The following CDH13 variants were observed in gnomAD, a reference collection of about 807,000 sequenced individuals.
The protein encoded by CDH13 is cadherin 13.
A neutral mutation model predicts 63.8 loss-of-function variants in CDH13; 24 were observed. The ratio of observed to expected loss-of-function variants is 0.38; its 90% confidence interval spans 0.27 to 0.53. CDH13 has a LOEUF of 0.53. Ranked by LOEUF, CDH13 falls within the 20% of genes least tolerant of loss-of-function variation. The probability of loss-of-function intolerance (pLI) is 0.85; values close to 1 mark genes in which losing one functional copy is unlikely to be tolerated. For missense variants in CDH13, 1,049 were observed against 903.1 expected (o/e 1.16, Z -2.07); for synonymous variants, 503 against 355.3 (o/e 1.42, Z -4.67).
chr16:83,570,173 C>A (rs183226317), intron 7 of CDH13, among the ~76,000 whole-genome samples: 1 of 152,176 alleles, frequency 6.6e-6, no homozygotes, highest in Admixed American at 6.5e-5. Context: ...GGAACCTGAG[C>A]ACACAGGATT....
intron 7 of CDH13, among the ~76,000 whole-genome samples, chr16:83,526,764 C>T (rs1039355086): frequency 6.6e-6 from 1 of 152,302 alleles, no homozygotes; most frequent in Middle Eastern, 3.4e-3. Context: ...TTTACCTTAG[C>T]CCTTTGTCCC....
At chr16:82,916,140 A>G (rs1219371146) in intron 2 of CDH13, among the ~76,000 whole-genome samples, 1 of 152,186 alleles carries the variant, frequency 6.6e-6, no homozygotes, top group African/African-American at 2.4e-5. Flanking sequence ...TCAATTCCAT[A>G]AAGCAAGCGT....
chr16:83,386,823 T>C (rs922554537), intron 6 of CDH13, among the ~76,000 whole-genome samples: 3 of 152,230 alleles, frequency 2.0e-5, no homozygotes, highest in African/African-American at 4.8e-5. Context: ...TGTGATTCTC[T>C]TAGCCTTTTC....
chr16:83,481,916 A>G (rs1259032391), intron 6 of CDH13, among the ~76,000 whole-genome samples: 3 of 152,344 alleles, frequency 2.0e-5, no homozygotes, highest in South Asian at 2.1e-4. Context: ...AGTGGTGGAC[A>G]TGGAGTCCAG....
At chr16:82,731,504 C>T (rs2085950) in intron 1 of CDH13, among the ~76,000 whole-genome samples, 147,012 of 152,300 alleles carry the variant, frequency 0.97, 71,161 homozygotes, top group East Asian at 1. Flanking sequence ...CTTTAAACAT[C>T]TGAAAAGTAT....
intron 4 of CDH13, among the ~76,000 whole-genome samples, chr16:83,210,965 C>T (rs541320268): frequency 1.1e-3 from 161 of 151,650 alleles, no homozygotes; most frequent in African/African-American, 3.7e-3. Context: ...CTGGCTAACA[C>T]AGTGAAACCC....
chr16:82,803,979 C>T (rs749195407), intron 1 of CDH13, among the ~76,000 whole-genome samples: 11 of 152,134 alleles, frequency 7.2e-5, no homozygotes, highest in Non-Finnish European at 1.3e-4. Context: ...CCTGTAATCC[C>T]AGCACTTTGG....
At chr16:83,662,785 A>G (rs975544725) in intron 8 of CDH13, among the ~76,000 whole-genome samples, 1 of 152,230 alleles carries the variant, frequency 6.6e-6, no homozygotes, top group Non-Finnish European at 1.5e-5. Flanking sequence ...CCAGGGCGCC[A>G]TTATTGCAAG....
At chr16:82,709,621 G>A (rs560999224) in intron 1 of CDH13, among the ~76,000 whole-genome samples, 1 of 152,194 alleles carries the variant, frequency 6.6e-6, no homozygotes, top group Non-Finnish European at 1.5e-5. Context: ...TCAAGTATTT[G>A]GCCCAGCGAC....
chr16:82,918,858 G>C (rs892374394), intron 2 of CDH13, among the ~76,000 whole-genome samples: 2 of 152,084 alleles, frequency 1.3e-5, no homozygotes, highest in African/African-American at 4.8e-5. Flanking sequence ...CCTCTCCAGA[G>C]TTTGTACCCA....
At chr16:83,116,856 A>C (rs1003558706) in intron 3 of CDH13, among the ~76,000 whole-genome samples, 9 of 152,154 alleles carry the variant, frequency 5.9e-5, no homozygotes, top group Non-Finnish European at 1.0e-4. Flanking sequence ...CTCCCTTTCC[A>C]CAAATCAAAT....
intron 7 of CDH13, among the ~76,000 whole-genome samples, chr16:83,548,458 C>G (rs889491377): frequency 2.6e-5 from 4 of 152,274 alleles, no homozygotes; most frequent in East Asian, 3.9e-4. Context: ...GCCCCAGTGT[C>G]CGTAGCGCAG....
chr16:82,957,081 T>C (rs1265017959), intron 2 of CDH13, among the ~76,000 whole-genome samples: 1 of 152,154 alleles, frequency 6.6e-6, no homozygotes, highest in Non-Finnish European at 1.5e-5. Context: ...TCCTGTGTCC[T>C]CATGGCCCCA....
intron 1 of CDH13, among the ~76,000 whole-genome samples, chr16:82,845,860 C>T (rs1217994376): frequency 6.6e-6 from 1 of 152,204 alleles, no homozygotes; most frequent in Non-Finnish European, 1.5e-5. Flanking sequence ...CAGGCATTCC[C>T]AGTGTAGTAA....
chr16:83,014,792 G>GTA (rs1168959713), intron 2 of CDH13, among the ~76,000 whole-genome samples: 30 of 51,234 alleles, frequency 5.9e-4, no homozygotes, highest in Non-Finnish European at 9.9e-4. Flanking sequence ...ATATATATTT[G>GTA]TATATATATA....
chr16:83,452,610 AATAAT>A (rs1157304828), intron 6 of CDH13, among the ~76,000 whole-genome samples: 5 of 152,192 alleles, frequency 3.3e-5, no homozygotes, highest in African/African-American at 1.2e-4. Flanking sequence ...GTAAGTAAGT[AATAAT>A]ATAGAATAAC....
At chr16:82,643,389 C>A (rs1373327917) in intron 1 of CDH13, among the ~76,000 whole-genome samples, 1 of 152,134 alleles carries the variant, frequency 6.6e-6, no homozygotes, top group African/African-American at 2.4e-5. Flanking sequence ...CAAAAGATCC[C>A]CATTGTCCAC....
intron 5 of CDH13, among the ~76,000 whole-genome samples, chr16:83,309,090 T>C (rs1411805558): frequency 6.6e-6 from 1 of 152,172 alleles, no homozygotes; most frequent in Non-Finnish European, 1.5e-5. Context: ...TCCCTCCATA[T>C]CGTAACTCTG....
chr16:83,713,543 G>A (rs553644106), intron 10 of CDH13, among the ~76,000 whole-genome samples: 1 of 151,940 alleles, frequency 6.6e-6, no homozygotes, highest in East Asian at 1.9e-4. Flanking sequence ...CAAATTTGTA[G>A]GTAAAAAGAC....
Sources: allele counts gnomAD v4.1 joint callset (sites outside exome capture counted in the v4.1 genomes callset), GRCh38; gene constraint gnomAD v4.1.1; transcripts MANE v1.5; gene names NCBI Gene and HGNC (gene_info 2026-07-23, HGNC 2026-07-21).